The following SLIT3 variants were observed in gnomAD, a reference collection of about 807,000 sequenced individuals.
The protein encoded by SLIT3 is slit homolog 3 protein.
SLIT3 carries 68 observed loss-of-function variants against 184.0 expected under a neutral mutation model. That is an observed-to-expected ratio of 0.37 (90% CI 0.30 to 0.45). The LOEUF (loss-of-function observed/expected upper bound fraction) is 0.45, where lower values mean the gene tolerates loss of function less well. Among genes scored for constraint, SLIT3 ranks in the 20% least tolerant of loss-of-function variants. The pLI is 1.00. For synonymous variants in SLIT3, 831 were observed against 828.6 expected (o/e 1.00, Z -0.05); for missense variants, 1,707 against 2,026.0 (o/e 0.84, Z 3.02).
intron 4 of SLIT3, among the ~76,000 whole-genome samples, chr5:168,921,243 C>T (rs1761625507): frequency 6.6e-6 from 1 of 152,150 alleles, no homozygotes; most frequent in African/African-American, 2.4e-5. Flanking sequence ...TAAAAAAATG[C>T]TTATAATCCC....
At chr5:168,711,171 A>G in intron 24 of SLIT3, 113 bp from the exon 25 acceptor site, 2 of 919,386 alleles carry the variant, frequency 2.2e-6, no homozygotes, top group Non-Finnish European at 1.6e-6. Flanking sequence ...GAGGTATCCA[A>G]TATGGGGCCA....
intron 2 of SLIT3, among the ~76,000 whole-genome samples, chr5:169,249,024 T>C (rs906132164): frequency 3.3e-5 from 5 of 152,158 alleles, no homozygotes; most frequent in Admixed American, 6.5e-5. Flanking sequence ...CTAGCTTCTC[T>C]AGAAATTGTA....
At position 169,200,218 on chromosome 5, in the gene SLIT3, C is replaced by T. The variant is rs139767544; in HGVS notation, c.342-6668G>A. ...GGGCATGGCCCACTGCACATCAAAT[C>T]CCCTCCTTTCCTCAGGGAGCTGTGG... is the stretch of plus-strand genomic sequence containing the variant. On this transcript the variant is annotated intron_variant, in intron 3 of 35. Coordinates refer to ENST00000519560, the MANE Select transcript of SLIT3 (RefSeq NM_003062.4). Among the ~76,000 whole-genome samples the T allele has an allele frequency of 5.5e-3, 831 of 152,332 alleles. 4 individuals are homozygous for T. The highest frequency in any genetic ancestry group is 9.6e-3 in the Admixed American group (147 of 15,302).
chr5:168,771,804 C>A (rs1264408171), intron 14 of SLIT3, among the ~76,000 whole-genome samples: 2 of 152,210 alleles, frequency 1.3e-5, no homozygotes, highest in Non-Finnish European at 2.9e-5. Context: ...ACAAGTCTGC[C>A]TGGGAGTAAC....
intron 4 of SLIT3, among the ~76,000 whole-genome samples, chr5:168,965,032 A>T (rs1229773262): frequency 6.6e-6 from 1 of 152,168 alleles, no homozygotes; most frequent in Non-Finnish European, 1.5e-5. Context: ...CACATCCCTG[A>T]AAGAGAGAGG....
chr5:168,681,315 C>T (rs1228591278), intron 32 of SLIT3, among the ~76,000 whole-genome samples: 1 of 152,180 alleles, frequency 6.6e-6, no homozygotes, highest in Non-Finnish European at 1.5e-5. Context: ...GGCCCCTGCA[C>T]CTAGCCCAGG....
chr5:168,829,002 C>T (rs576541337), intron 6 of SLIT3, among the ~76,000 whole-genome samples: 32 of 152,300 alleles, frequency 2.1e-4, no homozygotes, highest in African/African-American at 7.7e-4. Flanking sequence ...ACGGAGGTGG[C>T]TGTAACCACC....
intron 4 of SLIT3, among the ~76,000 whole-genome samples, chr5:168,918,271 G>C (rs1761510051): frequency 6.6e-6 from 1 of 152,172 alleles, no homozygotes; most frequent in Non-Finnish European, 1.5e-5. Flanking sequence ...AACGACTTGA[G>C]AGTCCAAAAT....
intron 4 of SLIT3, among the ~76,000 whole-genome samples, chr5:169,118,074 A>T (rs1581427641): frequency 6.6e-6 from 1 of 151,984 alleles, no homozygotes; most frequent in Non-Finnish European, 1.5e-5. Flanking sequence ...GTGCTTTGGG[A>T]GGCCAAGGCG....
intron 29 of SLIT3, among the ~76,000 whole-genome samples, chr5:168,688,620 G>C (rs890694109): frequency 1.3e-5 from 2 of 152,222 alleles, no homozygotes; most frequent in African/African-American, 4.8e-5. Context: ...CTCAAAAATT[G>C]AAATCCGCTA....
At chr5:168,924,065 G>T (rs1235841842) in intron 4 of SLIT3, among the ~76,000 whole-genome samples, 1 of 152,190 alleles carries the variant, frequency 6.6e-6, no homozygotes, top group African/African-American at 2.4e-5. Context: ...GCCAACCACT[G>T]GACTAGATAG....
At chr5:169,069,785 G>A (rs1423084306) in intron 4 of SLIT3, among the ~76,000 whole-genome samples, 1 of 152,044 alleles carries the variant, frequency 6.6e-6, no homozygotes, top group Non-Finnish European at 1.5e-5. Context: ...TGAATATGAA[G>A]CAAATGGAGT....
intron 1 of SLIT3, among the ~76,000 whole-genome samples, chr5:169,278,631 C>G (rs751322142): frequency 6.6e-6 from 1 of 152,146 alleles, no homozygotes; most frequent in Non-Finnish European, 1.5e-5. Context: ...CTTCCTCTGA[C>G]CCCCCAAGGT....
intron 4 of SLIT3, among the ~76,000 whole-genome samples, chr5:168,970,436 A>G (rs920803413): frequency 1.3e-4 from 20 of 151,292 alleles, no homozygotes; most frequent in Admixed American, 8.6e-4. Flanking sequence ...CGGAGGTTGC[A>G]GTGAGCTGAG....
chr5:169,253,987 A>C (rs1262274419), intron 1 of SLIT3, among the ~76,000 whole-genome samples: 3 of 152,136 alleles, frequency 2.0e-5, no homozygotes, highest in Non-Finnish European at 4.4e-5. Context: ...CTCCCCTCCC[A>C]CTGAGCTGTG....
At chr5:169,066,477 A>G (rs567120430) in intron 4 of SLIT3, among the ~76,000 whole-genome samples, 4 of 152,332 alleles carry the variant, frequency 2.6e-5, no homozygotes, top group East Asian at 1.9e-4. Flanking sequence ...TGCAAATTAA[A>G]TCAACCACCA....
chr5:169,196,470 A>G (rs1297867874), intron 3 of SLIT3, among the ~76,000 whole-genome samples: 1 of 152,212 alleles, frequency 6.6e-6, no homozygotes, highest in East Asian at 1.9e-4. Context: ...GAGCATGACA[A>G]CAGTGATGAT....
chr5:169,099,906 G>A (rs1759941791), intron 4 of SLIT3, among the ~76,000 whole-genome samples: 2 of 152,248 alleles, frequency 1.3e-5, no homozygotes, highest in Admixed American at 6.5e-5. Flanking sequence ...GCTGGAAGAG[G>A]CAGGTCCAGG....
chr5:169,100,024 C>T, intron 4 of SLIT3, among the ~76,000 whole-genome samples: 1 of 152,154 alleles, frequency 6.6e-6, no homozygotes, highest in South Asian at 2.1e-4. Context: ...TAGCTTGGAA[C>T]GCCTTGTTCT....
Sources: gnomAD v4.1 joint callset for allele counts (sites outside exome capture counted in the v4.1 genomes callset) on GRCh38, gnomAD v4.1.1 for gene constraint, MANE v1.5 for transcripts, NCBI Gene and HGNC (gene_info 2026-07-23, HGNC 2026-07-21) for gene names.